The following RNF114 variants were observed in gnomAD, a reference collection of about 807,000 sequenced individuals.
The protein encoded by RNF114 is ring finger protein 114, also known as E3 ubiquitin-protein ligase RNF114.
A neutral mutation model predicts 28.4 loss-of-function variants in RNF114; 6 were observed. The ratio of observed to expected loss-of-function variants is 0.21; its 90% CI spans 0.12 to 0.42. The LOEUF (loss-of-function observed/expected upper bound fraction) is 0.42, where lower values mean the gene tolerates loss of function less well. Ranked by LOEUF, RNF114 falls within the 10% of genes least tolerant of loss-of-function variation. The pLI is 1.00. For synonymous variants in RNF114, 115 were observed against 116.7 expected (o/e 0.99, Z 0.09); for missense variants, 249 against 311.7 (o/e 0.80, Z 1.51).
At chr20:49,938,332 C>T (rs62208186) in intron 1 of RNF114, among the ~76,000 whole-genome samples, 1 of 152,178 alleles carries the variant, frequency 6.6e-6, no homozygotes, top group African/African-American at 2.4e-5. Flanking sequence ...CTTCTCTATC[C>T]TCGCTGTCCT....
Position 49,936,447 on chromosome 20 carries a change from C to G in RNF114, c.35C>G (p.Ala12Gly). 2.6e-6 allele frequency: 4 copies of G among 1,547,618 alleles called. No homozygotes were observed. Among genetic ancestry groups the G allele is most frequent in the Non-Finnish European group, 3.5e-6 (4 of 1,147,726 alleles). Residue 12 changes from alanine (A) to glycine (G), a missense_variant, in exon 1 of 6, where the codon GCG (alanine) becomes GGG (glycine). Around this residue, in one of 2 missense-constraint regions of RNF114, gnomAD observed 123 missense variants for 106.4 expected, o/e 1.16. Transcript: ENST00000244061. ...CAACAGCGGGACTGCGGGGGTGCTG[C>G]GCAGCTGGCGGGGCCGGCGGCGGAG... ...AAQQRDCGGAAQLAGPAAEAD... is the reference protein window; with the variant it reads ...AAQQRDCGGAGQLAGPAAEAD...
chr20:49,949,187 C>T (rs1488061271), intron 4 of RNF114, 61 bp from the exon 5 acceptor site: 4 of 1,369,904 alleles, frequency 2.9e-6, no homozygotes, highest in Non-Finnish European at 4.2e-6. Context: ...AGACACAGGC[C>T]ACAGAGGGCT....
At chr20:49,951,747 G>A (rs193086213) in intron 5 of RNF114, among the ~76,000 whole-genome samples, 28 of 152,296 alleles carry the variant, frequency 1.8e-4, no homozygotes, top group Admixed American at 5.9e-4. Flanking sequence ...GCATGGTGGC[G>A]CACGCCTGTT....
chr20:49,937,186 A>C (rs1359464167), intron 1 of RNF114, among the ~76,000 whole-genome samples: 3 of 152,180 alleles, frequency 2.0e-5, no homozygotes, highest in Non-Finnish European at 4.4e-5. Flanking sequence ...AGTGGTTATA[A>C]TGATTAAAGC....
intron 4 of RNF114, among the ~76,000 whole-genome samples, chr20:49,947,781 T>G (rs866576551): frequency 1.5e-4 from 4 of 27,478 alleles, no homozygotes; most frequent in African/African-American, 2.8e-4. Flanking sequence ...TTTTTTTTTT[T>G]TTTTTTTTTT....
At chr20:49,946,911 A>G (rs1338654958) in intron 4 of RNF114, among the ~76,000 whole-genome samples, 15 of 141,878 alleles carry the variant, frequency 1.1e-4, no homozygotes, top group Admixed American at 9.1e-4. Flanking sequence ...TGGCATGTGT[A>G]GTCTCCTTTA....
intron 1 of RNF114, among the ~76,000 whole-genome samples, chr20:49,937,642 C>T (rs2090292879): frequency 6.6e-6 from 1 of 152,166 alleles, no homozygotes; most frequent in Non-Finnish European, 1.5e-5. Context: ...TTTGCTTCAT[C>T]ATGTTGCTTT....
At chr20:49,948,141 C>A (rs1018877263) in intron 4 of RNF114, among the ~76,000 whole-genome samples, 6 of 152,090 alleles carry the variant, frequency 3.9e-5, no homozygotes, top group African/African-American at 1.4e-4. Flanking sequence ...AAGCCATCTC[C>A]TTTTCAGTCT....
chr20:49,952,747 G>A lies in RNF114; in HGVS notation c.*606G>A, dbSNP rs551433041. 3.2e-5 allele frequency: 5 copies of A among 153,980 alleles called. No homozygotes were observed. Among genetic ancestry groups the A allele is most frequent in the Non-Finnish European group, 7.2e-5 (5 of 69,070 alleles). 9.5% of individuals were successfully genotyped at this position (153,980 alleles called of 1,614,324 possible). ...TATTTTCTACTACTACATATTTAGA[G>A]TTCACTGGTTCAGTCTTAAATGCCT... On this transcript the variant is annotated 3_prime_UTR_variant, in exon 6 of 6. Transcript: ENST00000244061.
intron 2 of RNF114, 122 bp downstream of exon 2, chr20:49,941,833 C>A: frequency 1.0e-6 from 1 of 964,400 alleles, no homozygotes; most frequent in Non-Finnish European, 1.5e-6. Context: ...CGCGTGCATG[C>A]CAATTACCTG....
rs116011849 is a variant in RNF114 at position 49,937,486 on chromosome 20, G to A, written c.140+934G>A. ...CTATAGCCACCCTGCAGCGGGGGAG[G>A]GTTGGCAGCCATTTTACAGGTGAAT... On this transcript the variant is annotated intron_variant, in intron 1 of 5. Coordinates refer to ENST00000244061, the MANE Select transcript of RNF114 (RefSeq NM_018683.4). Among the ~76,000 whole-genome samples, 451 of 152,280 alleles carry A rather than the reference G, an allele frequency of 3.0e-3. 4 individuals are homozygous for A. Among genetic ancestry groups the A allele is most frequent in the African/African-American group, 0.011 (437 of 41,552 alleles).
chr20:49,951,989 A>AGTTGCTAGGCTGTCCTGCTTCGGATCCG, intron 5 of RNF114, 87 bp from the exon 6 acceptor site: 1 of 1,126,868 alleles, frequency 8.9e-7, no homozygotes, highest in Non-Finnish European at 1.3e-6. Flanking sequence ...CTCCGGATCC[A>AGTTGCTAGGCTGTCCTGCTTCGGATCCG]GTTGCTAGGC....
chr20:49,945,135 A>T, intron 2 of RNF114: 1 of 368,034 alleles, frequency 2.7e-6, no homozygotes, highest in Non-Finnish European at 5.1e-6. Flanking sequence ...ATAGGAGCAA[A>T]CCTCTAGGAG....
At chr20:49,950,351 T>G (rs2090350702) in intron 5 of RNF114, among the ~76,000 whole-genome samples, 1 of 152,058 alleles carries the variant, frequency 6.6e-6, no homozygotes, top group Non-Finnish European at 1.5e-5. Context: ...CTACTTTTCT[T>G]GTGGTTTATA....
chr20:49,948,649 G>A (rs1273189045), intron 4 of RNF114, among the ~76,000 whole-genome samples: 2 of 152,066 alleles, frequency 1.3e-5, no homozygotes, highest in African/African-American at 4.8e-5. Flanking sequence ...TGTTGGCCAG[G>A]CTGGTCTCAA....
intron 2 of RNF114, 55 bp downstream of exon 2, chr20:49,941,766 A>T: frequency 6.3e-7 from 1 of 1,576,458 alleles, no homozygotes; most frequent in Non-Finnish European, 8.6e-7. Context: ...GTTGGGGTAA[A>T]ACGTACAGCT....
intron 2 of RNF114, chr20:49,944,563 T>C (rs1378739165): frequency 6.6e-6 from 1 of 152,204 alleles, no homozygotes; most frequent in Non-Finnish European, 1.5e-5. Flanking sequence ...CTTTCTGTTT[T>C]ACTGTTGCAC....
chr20:49,939,307 C>G (rs1414273338), intron 1 of RNF114, among the ~76,000 whole-genome samples: 1 of 152,176 alleles, frequency 6.6e-6, no homozygotes, highest in Non-Finnish European at 1.5e-5. Context: ...TGAATAGACT[C>G]CCTCACCTTC....
chr20:49,941,718 G>A lies in RNF114; in HGVS notation c.291+7G>A, dbSNP rs2090308776. On this transcript the variant is annotated splice_region_variant and intron_variant, in intron 2 of 5. Coordinates refer to ENST00000244061, the MANE Select transcript of RNF114 (RefSeq NM_018683.4). ...CCATGGCTGCCGTAAGAATGTATGTGGAAGTGATGTGGAAGAGTCCATGTC... is the reference window on the plus strand; with the variant it reads ...CCATGGCTGCCGTAAGAATGTATGTAGAAGTGATGTGGAAGAGTCCATGTC... The A allele has an allele frequency of 4.3e-6, 7 of 1,609,564 alleles. No individual in the cohort carries two copies. In the South Asian group the frequency reaches 7.7e-5, roughly 18 times the overall value.
Sources: gnomAD v4.1 joint callset for allele counts (sites outside exome capture counted in the v4.1 genomes callset) on GRCh38, gnomAD v4.1.1 for gene constraint, gnomAD v4.1.1 regional missense constraint, MANE v1.5 for transcripts, NCBI Gene and HGNC (gene_info 2026-07-23, HGNC 2026-07-21) for gene names.